The following NPR3 variants were observed in gnomAD, a reference collection of about 807,000 sequenced individuals.
NPR3 encodes the protein natriuretic peptide receptor 3, also known as atrial natriuretic peptide receptor 3.
NPR3 carries 34 observed loss-of-function variants against 54.5 expected under a neutral mutation model. The observed-to-expected ratio is 0.62, with a 90% CI of 0.47 to 0.83. NPR3 has a LOEUF of 0.83. NPR3 is among the 40% of genes least tolerant of loss of function. The pLI, the probability that NPR3 is intolerant of heterozygous loss-of-function variation, is 0.00. For synonymous variants in NPR3, 289 were observed against 297.1 expected, an observed-to-expected ratio of 0.97 and a Z score of 0.28; for missense variants, 674 against 720.8, an observed-to-expected ratio of 0.94 and a Z score of 0.74.
intron 1 of NPR3, among the ~76,000 whole-genome samples, chr5:32,699,513 C>A (rs1288777801): frequency 6.6e-6 from 1 of 152,108 alleles, no homozygotes; most frequent in African/African-American, 2.4e-5. Context: ...CTCCCTGTGT[C>A]CATGTGTTCT....
At chr5:32,691,814 G>A (rs991374123) in intron 1 of NPR3, among the ~76,000 whole-genome samples, 2 of 152,224 alleles carry the variant, frequency 1.3e-5, no homozygotes, top group African/African-American at 4.8e-5. Context: ...TGTCAAAAGC[G>A]AGGAGAAGGA....
At chr5:32,713,216 G>T (rs746945555) in intron 1 of NPR3, 21 of 985,292 alleles carry the variant, frequency 2.1e-5, no homozygotes, top group Admixed American at 1.8e-4. Context: ...GTTCTGCAAC[G>T]CAGTTTCTAA....
intron 2 of NPR3, among the ~76,000 whole-genome samples, chr5:32,733,590 G>T (rs1021178639): frequency 6.6e-6 from 1 of 151,918 alleles, no homozygotes; most frequent in Admixed American, 6.6e-5. Flanking sequence ...ATTGGTGATG[G>T]GCAAAAATTA....
chr5:32,734,227 T>C (rs952680922), intron 2 of NPR3, among the ~76,000 whole-genome samples: 3 of 152,128 alleles, frequency 2.0e-5, no homozygotes, highest in African/African-American at 7.2e-5. Flanking sequence ...GCAGATATTT[T>C]CTCTCCTTAA....
rs535296316 is a variant in NPR3, at chr5:32,763,154, T to C, written c.1060-11554T>C. Reference sequence around the variant, plus strand: ...ATCAGCTGCTTGTAGATGTGTGGTGTTATTTCTGAGGCCTCTGTTCTGTTC... The same window carrying C: ...ATCAGCTGCTTGTAGATGTGTGGTGCTATTTCTGAGGCCTCTGTTCTGTTC... On this transcript the variant is annotated intron_variant, in intron 3 of 7. Transcript: ENST00000265074. Among the ~76,000 whole-genome samples, 147 of 152,296 alleles carry C rather than the reference T, an allele frequency of 9.7e-4. 3 individuals carry two copies. In the South Asian group the frequency reaches 0.029, roughly 30 times the overall value.
rs916972714 is a variant in NPR3, at chr5:32,790,131, G to T, written c.*3786G>T. 5.4e-6 allele frequency: 1 copy of T among 184,728 alleles called. No individual in the cohort carries two copies. The highest frequency in any genetic ancestry group is 2.4e-5 in the African/African-American group (1 of 41,786). The allele number at this position is 184,728 out of a possible 1,614,324, so 11.4% of individuals were successfully genotyped here. ...AAACTGAAACTGTCTAAAAACACGG[G>T]ATATATTTTAGAGGCAATTGTGGAA... On this transcript the variant is annotated 3_prime_UTR_variant, in exon 8 of 8. Transcript: ENST00000265074.
intron 1 of NPR3, 55 bp downstream of exon 1, chr5:32,712,600 T>C (rs1000692771): frequency 4.7e-6 from 7 of 1,474,332 alleles, no homozygotes; most frequent in African/African-American, 4.2e-5. Flanking sequence ...TCTCCGCGGC[T>C]CTCCCTGCAC....
intron 2 of NPR3, among the ~76,000 whole-genome samples, chr5:32,729,017 T>A (rs1446324729): frequency 1.7e-4 from 18 of 104,972 alleles, no homozygotes; most frequent in Non-Finnish European, 2.5e-4. Flanking sequence ...CCTGTGTGTT[T>A]TTTTTTTTTT....
rs900018776 is a variant in NPR3, at chr5:32,789,922, G to C, written c.*3577G>C. On this transcript the variant is annotated 3_prime_UTR_variant, in exon 8 of 8. Transcript: ENST00000265074. ...AGTGTTTATAAACTGGAAGGAACAA[G>C]TACCTGTGTTTCTTGGGACACAAAG... The C allele has an allele frequency of 2.2e-5, 8 of 364,902 alleles. No individual in the cohort carries two copies. The Admixed American group carries it at 3.1e-4, about 14-fold the overall frequency. 22.6% of individuals were successfully genotyped at this position (364,902 alleles called of 1,614,324 possible). A position where few individuals can be genotyped will look rare whatever the true frequency, so the allele number is the denominator to read the frequency against.
chr5:32,786,359 C>CA lies in NPR3; in HGVS notation c.*14_*15insA. 2.1e-6 allele frequency: 2 copies of CA among 933,520 alleles called. No homozygotes were observed. The highest frequency in any genetic ancestry group is 3.2e-6 in the Non-Finnish European group (2 of 615,990). The allele number at this position is 933,520 out of a possible 1,614,324, so 57.8% of individuals were successfully genotyped here. ...TCAGTAGCTTAAAGGAAGCCCCCCA[C>CA]TTTTTTTTTTTCTGCCTGAGATTCT... is the stretch of plus-strand genomic sequence containing the variant. On this transcript the variant is annotated 3_prime_UTR_variant, in exon 8 of 8. Coordinates refer to ENST00000265074, the MANE Select transcript of NPR3 (RefSeq NM_001204375.2).
intron 3 of NPR3, among the ~76,000 whole-genome samples, chr5:32,749,412 T>C (rs2111977177): frequency 6.6e-6 from 1 of 152,354 alleles, no homozygotes; most frequent in South Asian, 2.1e-4. Flanking sequence ...TATTATAAAC[T>C]TTTCCTAAAC....
chr5:32,779,747 T>C (rs1273040731), intron 4 of NPR3, among the ~76,000 whole-genome samples: 1 of 152,232 alleles, frequency 6.6e-6, no homozygotes, highest in Non-Finnish European at 1.5e-5. Flanking sequence ...CTGAGTGATG[T>C]GGGTACAGTT....
Position 32,711,430 on chromosome 5 carries a change from A to C in NPR3, c.-347A>C. ...CAAAAACGCTTTCAAAAGCAACCTT[A>C]GCAACGCCCAAATAAGAAGCCACCT... On this transcript the variant is annotated 5_prime_UTR_variant, in exon 1 of 8. An upstream open reading frame in the 5' UTR loses its in-frame stop. Coordinates refer to ENST00000265074, the MANE Select transcript of NPR3 (RefSeq NM_001204375.2). 1 of 1,044,642 alleles carries C rather than the reference A, an allele frequency of 9.6e-7. No homozygotes were observed. Among genetic ancestry groups the C allele is most frequent in the South Asian group, 4.6e-5 (1 of 21,846 alleles). The allele number at this position is 1,044,642 out of a possible 1,614,324, so 64.7% of individuals were successfully genotyped here.
rs1465265130 is a variant in NPR3 at position 32,711,886 on chromosome 5, G to A, written c.110G>A (p.Gly37Asp). Residue 37 changes from glycine to aspartate, a missense_variant, in exon 1 of 8, where the codon GGC becomes GAC. By Grantham distance (94) the Gly-to-Asp change is moderately conservative. Transcript: ENST00000265074. ...GGVGGGGGGA[G>D]IGGGRQEREA... ...GTTGGCGGCGGCGGCGGTGGCGCGG[G>A]CATAGGCGGCGGACGCCAGGAGAGA... 6.1e-6 allele frequency: 9 copies of A among 1,474,846 alleles called. No individual in the cohort carries two copies. Among genetic ancestry groups the A allele is most frequent in the East Asian group, 2.5e-5 (1 of 39,820 alleles). The allele number at this position is 1,474,846 out of a possible 1,614,324, so 91.4% of individuals were successfully genotyped here.
chr5:32,754,510 A>C (rs1561111834), intron 3 of NPR3, among the ~76,000 whole-genome samples: 1 of 152,168 alleles, frequency 6.6e-6, no homozygotes, highest in Non-Finnish European at 1.5e-5. Context: ...TTGTTAAGAG[A>C]GAGGAACTAG....
intron 3 of NPR3, among the ~76,000 whole-genome samples, chr5:32,764,516 G>A (rs112592588): frequency 0.13 from 19,020 of 151,918 alleles, 1,453 homozygotes; most frequent in African/African-American, 0.2. Flanking sequence ...GGCCGGGCAC[G>A]GTGGCTCCTG....
At chr5:32,739,058 T>G (rs547969235) in intron 3 of NPR3, 28 bp downstream of exon 3, 1 of 1,600,730 alleles carries the variant, frequency 6.2e-7, no homozygotes, top group South Asian at 1.1e-5. Flanking sequence ...AGCCTAGACC[T>G]TTAGCATCCT....
At position 32,784,899 on chromosome 5, in the gene NPR3, A is replaced by T; in HGVS notation, c.1514+16A>T. 6.3e-7 allele frequency: 1 copy of T among 1,576,704 alleles called. No individual in the cohort carries two copies. The highest frequency in any genetic ancestry group is 2.2e-5 in the East Asian group (1 of 44,668). ...ACTTTTTCAGGTGAGGACGGTTTGT[A>T]AAGGTACAATTCACTCTCTTCTGCT... On this transcript the variant is annotated intron_variant, in intron 7 of 7. Coordinates refer to ENST00000265074, the MANE Select transcript of NPR3 (RefSeq NM_001204375.2).
At chr5:32,741,424 A>G (rs2111955454) in intron 3 of NPR3, among the ~76,000 whole-genome samples, 1 of 152,298 alleles carries the variant, frequency 6.6e-6, no homozygotes, top group Non-Finnish European at 1.5e-5. Context: ...GTCTCAAAGA[A>G]AAAGTTGGCA....
Sources: allele counts gnomAD v4.1 joint callset (sites outside exome capture counted in the v4.1 genomes callset), GRCh38; gene constraint gnomAD v4.1.1; transcripts MANE v1.5; gene names NCBI Gene and HGNC (gene_info 2026-07-23, HGNC 2026-07-21).